The following HUNK variants were observed in gnomAD, a reference collection of about 807,000 sequenced individuals.
HUNK encodes hormonally up-regulated neu tumor-associated kinase.
Under a neutral mutation model 61.0 loss-of-function variants are expected in HUNK, and 21 were observed. The ratio of observed to expected loss-of-function variants is 0.34; its 90% CI spans 0.24 to 0.50. The LOEUF is 0.50. HUNK is among the 20% of genes least tolerant of loss of function. The probability of loss-of-function intolerance (pLI) is 0.98; values close to 1 mark genes in which losing one functional copy is unlikely to be tolerated. For synonymous variants in HUNK, 371 were observed against 386.1 expected (o/e 0.96, Z 0.46); for missense variants, 772 against 945.7 (o/e 0.82, Z 2.41).
intron 10 of HUNK, among the ~76,000 whole-genome samples, chr21:31,996,778 G>C (rs943449313): frequency 6.6e-6 from 1 of 152,160 alleles, no homozygotes; most frequent in Non-Finnish European, 1.5e-5. Flanking sequence ...GGTGTAGCGG[G>C]CAGTTAGTCC....
chr21:31,897,746 G>T (rs1051558471), intron 1 of HUNK, among the ~76,000 whole-genome samples: 4 of 152,222 alleles, frequency 2.6e-5, no homozygotes, highest in African/African-American at 9.6e-5. Flanking sequence ...CAAGAGACAG[G>T]CAAAGGCCAA....
chr21:31,898,004 C>T (rs931336940), intron 1 of HUNK, among the ~76,000 whole-genome samples: 38 of 152,124 alleles, frequency 2.5e-4, no homozygotes, highest in African/African-American at 8.5e-4. Context: ...AGGGAGGCTA[C>T]GTGGAGTAGG....
chr21:31,899,957 T>A (rs1456639658), intron 1 of HUNK, among the ~76,000 whole-genome samples: 1 of 152,140 alleles, frequency 6.6e-6, no homozygotes, highest in Non-Finnish European at 1.5e-5. Flanking sequence ...TCTTTTTAAA[T>A]GGAGACGGAG....
intron 1 of HUNK, among the ~76,000 whole-genome samples, chr21:31,891,738 AG>A (rs1440902474): frequency 6.6e-6 from 1 of 152,200 alleles, no homozygotes; most frequent in Non-Finnish European, 1.5e-5. Flanking sequence ...TATTTTAGGA[AG>A]GGGGCAAAGG....
At chr21:31,936,554 A>G (rs2052734432) in intron 2 of HUNK, among the ~76,000 whole-genome samples, 1 of 152,226 alleles carries the variant, frequency 6.6e-6, no homozygotes, top group African/African-American at 2.4e-5. Context: ...ACCCAGGTTA[A>G]CCAGGTTTAT....
chr21:31,930,137 C>T (rs2052686722), intron 2 of HUNK, among the ~76,000 whole-genome samples: 2 of 152,214 alleles, frequency 1.3e-5, no homozygotes, highest in Admixed American at 6.5e-5. Context: ...AGTGCTGATG[C>T]GAAAGCCTGA....
chr21:31,954,545 G>A (rs2052874710), intron 4 of HUNK, among the ~76,000 whole-genome samples: 1 of 152,182 alleles, frequency 6.6e-6, no homozygotes, highest in African/African-American at 2.4e-5. Context: ...AATGTTTTGT[G>A]GGAAGGGAAT....
chr21:31,928,333 A>G (rs1053904070), intron 2 of HUNK, among the ~76,000 whole-genome samples: 1 of 152,236 alleles, frequency 6.6e-6, no homozygotes, highest in Non-Finnish European at 1.5e-5. Flanking sequence ...TGCCTTGTGC[A>G]CTGGCCTCTC....
At chr21:31,994,520 T>A (rs1270230102) in intron 9 of HUNK, among the ~76,000 whole-genome samples, 2 of 152,162 alleles carry the variant, frequency 1.3e-5, no homozygotes, top group Non-Finnish European at 2.9e-5. Flanking sequence ...AGGGCAAAAA[T>A]GTGAAAAAGA....
Position 31,974,717 on chromosome 21 carries a change from G to A in HUNK, c.1173G>A (p.Gly391=). Residue 391 remains glycine (G), a splice_region_variant and synonymous_variant, in exon 7 of 11, where the codon GGG becomes GGA. Coordinates refer to ENST00000270112, the MANE Select transcript of HUNK (RefSeq NM_014586.2). ...AGAAACTGGAGCGCTATTTGTCAGG[G>A]GTAAGTGCGACCCTAGAGGCGATCG... is the stretch of plus-strand genomic sequence containing the variant. The part of the protein sequence containing the change: ...LNKKLERYLS[G]KSDIQDSLCY... 1 of 1,612,298 alleles carries A rather than the reference G, an allele frequency of 6.2e-7. No individual in the cohort carries two copies. Among genetic ancestry groups the A allele is most frequent in the Non-Finnish European group, 8.5e-7 (1 of 1,179,240 alleles).
intron 2 of HUNK, among the ~76,000 whole-genome samples, chr21:31,933,031 T>C (rs1479387031): frequency 1.3e-5 from 2 of 151,416 alleles, no homozygotes; most frequent in Non-Finnish European, 1.5e-5. Flanking sequence ...CATGCCTCAG[T>C]CTCTCCAGCC....
At chr21:31,923,812 A>T (rs1250524734) in intron 1 of HUNK, among the ~76,000 whole-genome samples, 1 of 152,130 alleles carries the variant, frequency 6.6e-6, no homozygotes, top group East Asian at 1.9e-4. Context: ...GGGTAGTAGA[A>T]ATGTGATCCT....
intron 4 of HUNK, among the ~76,000 whole-genome samples, chr21:31,948,202 C>G (rs1325773627): frequency 6.6e-6 from 1 of 152,190 alleles, no homozygotes; most frequent in Non-Finnish European, 1.5e-5. Flanking sequence ...GTGTGGGGAC[C>G]CTTGCTTGCC....
intron 1 of HUNK, among the ~76,000 whole-genome samples, chr21:31,876,963 G>A (rs991183247): frequency 6.6e-6 from 1 of 152,038 alleles, no homozygotes; most frequent in African/African-American, 2.4e-5. Flanking sequence ...TTTTATAAAG[G>A]ATCCATTCCA....
chr21:31,882,513 G>A (rs1434729740), intron 1 of HUNK, among the ~76,000 whole-genome samples: 1 of 152,136 alleles, frequency 6.6e-6, no homozygotes, highest in Non-Finnish European at 1.5e-5. Context: ...ATTTGTAAAT[G>A]CGTAGTTAGG....
intron 8 of HUNK, among the ~76,000 whole-genome samples, chr21:31,985,321 T>C (rs1333313802): frequency 1.3e-5 from 2 of 152,334 alleles, no homozygotes; most frequent in East Asian, 3.9e-4. Flanking sequence ...GCGGTGCACA[T>C]CGCTCTGGAA....
intron 2 of HUNK, among the ~76,000 whole-genome samples, chr21:31,928,521 GA>G (rs2052676324): frequency 6.6e-6 from 1 of 152,064 alleles, no homozygotes; most frequent in Non-Finnish European, 1.5e-5. Context: ...CTCTCCTCAG[GA>G]ATATATTTAT....
chr21:31,878,684 A>G (rs538510707), intron 1 of HUNK, among the ~76,000 whole-genome samples: 45 of 152,348 alleles, frequency 3.0e-4, no homozygotes, highest in African/African-American at 1.1e-3. Flanking sequence ...GATACCTACA[A>G]GAGGCATGGT....
chr21:31,877,618 G>A (rs2052273889), intron 1 of HUNK, among the ~76,000 whole-genome samples: 1 of 152,196 alleles, frequency 6.6e-6, no homozygotes, highest in Admixed American at 6.5e-5. Flanking sequence ...ACTCTTAATA[G>A]GTACCTTCAC....
Sources: allele counts gnomAD v4.1 joint callset (sites outside exome capture counted in the v4.1 genomes callset), GRCh38; gene constraint gnomAD v4.1.1; transcripts MANE v1.5; gene names NCBI Gene and HGNC (gene_info 2026-07-23, HGNC 2026-07-21).